The following TNPO1 variants were observed in gnomAD, a reference collection of about 807,000 sequenced individuals.
TNPO1 encodes transportin 1, also known as transportin-1.
Under a neutral mutation model 119.5 loss-of-function variants are expected in TNPO1, and 8 were observed. The ratio of observed to expected loss-of-function variants is 0.07; its 90% CI spans 0.04 to 0.12. The LOEUF is 0.12. Ranked by LOEUF, TNPO1 falls within the 10% of genes least tolerant of loss-of-function variation. The pLI, the probability that TNPO1 is intolerant of heterozygous loss-of-function variation, is 1.00. For missense variants in TNPO1, 576 were observed against 1,089.8 expected (o/e 0.53, Z 6.64); for synonymous variants, 362 against 363.0 (o/e 1.00, Z 0.03).
intron 1 of TNPO1, among the ~76,000 whole-genome samples, chr5:72,835,806 C>T (rs1252924666): frequency 1.3e-5 from 2 of 152,102 alleles, no homozygotes; most frequent in African/African-American, 2.4e-5. Flanking sequence ...AGTCTGAAGC[C>T]GAGAATCTCA....
At chr5:72,878,149 T>A (rs1174352253) in intron 9 of TNPO1, among the ~76,000 whole-genome samples, 1 of 150,362 alleles carries the variant, frequency 6.7e-6, no homozygotes, top group East Asian at 1.9e-4. Context: ...GTGTACGCTA[T>A]AGAGAGAGAG....
intron 1 of TNPO1, among the ~76,000 whole-genome samples, chr5:72,829,053 G>T (rs763235429): frequency 9.9e-5 from 15 of 152,170 alleles, no homozygotes; most frequent in Non-Finnish European, 1.8e-4. Context: ...TTGTGATAGG[G>T]TTGAGTTGGC....
chr5:72,894,403 G>A (rs900933517), intron 18 of TNPO1, among the ~76,000 whole-genome samples: 1 of 152,184 alleles, frequency 6.6e-6, no homozygotes, highest in Non-Finnish European at 1.5e-5. Context: ...CGGGCACGGC[G>A]GCTCAGACCT....
chr5:72,872,550 T>G (rs1284229386), intron 6 of TNPO1, 89 bp from the exon 7 acceptor site: 4 of 831,116 alleles, frequency 4.8e-6, no homozygotes, highest in Non-Finnish European at 7.5e-6. Context: ...CATATCATAA[T>G]ATTTTTATGG....
intron 13 of TNPO1, among the ~76,000 whole-genome samples, chr5:72,888,579 G>A (rs1748823483): frequency 6.6e-6 from 1 of 152,184 alleles, no homozygotes; most frequent in African/African-American, 2.4e-5. Context: ...AGATCTAAAT[G>A]TGACAACATC....
At chr5:72,883,704 CAT>C in intron 11 of TNPO1, among the ~76,000 whole-genome samples, 1 of 152,222 alleles carries the variant, frequency 6.6e-6, no homozygotes, top group East Asian at 1.9e-4. Context: ...TATAAATACT[CAT>C]GTATAATTTT....
intron 2 of TNPO1, among the ~76,000 whole-genome samples, chr5:72,850,420 T>C (rs1364483945): frequency 6.6e-6 from 1 of 152,218 alleles, no homozygotes; most frequent in Non-Finnish European, 1.5e-5. Flanking sequence ...TTGAGGGTAT[T>C]CAAATATGTA....
chr5:72,910,556 CA>C lies in TNPO1; in HGVS notation c.*1888del, dbSNP rs1750493828. On this transcript the variant is annotated 3_prime_UTR_variant, in exon 25 of 25. Coordinates refer to ENST00000337273, the MANE Select transcript of TNPO1 (RefSeq NM_002270.4). The stretch of plus-strand genomic sequence containing the variant: ...TCAATGCTGCATATTTAATCTGCAA[CA>C]AAAATGTTAAGCCATAACAGCCTTT... 1 of 152,570 alleles carries C rather than the reference CA, an allele frequency of 6.6e-6. No individual in the cohort carries two copies. Among genetic ancestry groups the C allele is most frequent in the Admixed American group, 6.6e-5 (1 of 15,262 alleles). The allele number at this position is 152,570 out of a possible 1,614,324, so 9.5% of individuals were successfully genotyped here.
At chr5:72,839,082 A>T (rs1744808296) in intron 1 of TNPO1, among the ~76,000 whole-genome samples, 1 of 152,162 alleles carries the variant, frequency 6.6e-6, no homozygotes, top group Admixed American at 6.5e-5. Context: ...ACAGAAATGA[A>T]AACTATTGGA....
intron 6 of TNPO1, among the ~76,000 whole-genome samples, chr5:72,872,306 C>T (rs1747461139): frequency 6.6e-6 from 1 of 152,054 alleles, no homozygotes; most frequent in Non-Finnish European, 1.5e-5. Context: ...GAATGTTTAC[C>T]TATCATTTTT....
intron 6 of TNPO1, among the ~76,000 whole-genome samples, chr5:72,866,192 C>T (rs1746883721): frequency 6.6e-6 from 1 of 152,040 alleles, no homozygotes; most frequent in African/African-American, 2.4e-5. Context: ...CTAGTTTGGC[C>T]CTCTCCCTCC....
chr5:72,882,411 T>C (rs367718827), intron 9 of TNPO1, 56 bp from the exon 10 acceptor site: 17 of 1,324,134 alleles, frequency 1.3e-5, no homozygotes, highest in Admixed American at 1.9e-5. Flanking sequence ...TTAAGACTTA[T>C]TAATTATTCT....
chr5:72,889,997 A>AGC lies in TNPO1; in HGVS notation c.1701+41_1701+42dup, dbSNP rs746531717. On this transcript the variant is annotated intron_variant, in intron 14 of 24. Coordinates refer to ENST00000337273, the MANE Select transcript of TNPO1 (RefSeq NM_002270.4). ...AGAACTATTAGGGAAAATAATGTGTAGCATAGTTACAATTAATAGATTAGC... is the reference window on the plus strand; with the variant it reads ...AGAACTATTAGGGAAAATAATGTGTAGCGCATAGTTACAATTAATAGATTAGC... 5 of 1,589,382 alleles carry AGC rather than the reference A, an allele frequency of 3.1e-6. No individual in the cohort carries two copies. In the African/African-American group the frequency reaches 5.4e-5, roughly 17 times the overall value.
At chr5:72,829,837 G>A (rs1309946649) in intron 1 of TNPO1, among the ~76,000 whole-genome samples, 1 of 152,120 alleles carries the variant, frequency 6.6e-6, no homozygotes, top group Non-Finnish European at 1.5e-5. Flanking sequence ...TCTTGGCACT[G>A]AAGACTTAAA....
chr5:72,897,218 A>AG, intron 20 of TNPO1, 67 bp downstream of exon 20: 1 of 1,105,208 alleles, frequency 9.0e-7, no homozygotes, highest in Non-Finnish European at 1.3e-6. Flanking sequence ...ATATGCGTAG[A>AG]GAAACCAAAG....
At chr5:72,816,996 C>A in intron 1 of TNPO1, 1 of 486,774 alleles carries the variant, frequency 2.1e-6, no homozygotes, top group Non-Finnish European at 3.6e-6. Flanking sequence ...GTCCGAGGAT[C>A]CCGTTAGGGG....
chr5:72,882,303 C>T (rs779193747), intron 9 of TNPO1, among the ~76,000 whole-genome samples, 164 bp from the exon 10 acceptor site: 3 of 152,162 alleles, frequency 2.0e-5, no homozygotes, highest in Non-Finnish European at 4.4e-5. Context: ...TCTCTATTAG[C>T]GTTTCTTCAG....
chr5:72,855,755 T>C lies in TNPO1; in HGVS notation c.206-19T>C, dbSNP rs192691001. 551 of 1,575,398 alleles carry C rather than the reference T, an allele frequency of 3.5e-4. 4 individuals are homozygous for C. In the African/African-American group the frequency reaches 6.8e-3, roughly 20 times the overall value. ...TTAAGACTACTTCAAAACTCATTAC[T>C]ATTACTATTTTATTACAGATGAACC... On this transcript the variant is annotated intron_variant, in intron 3 of 24. Transcript: ENST00000337273.
Position 72,890,009 on chromosome 5 carries a change from A to G in TNPO1, c.1701+52A>G, listed in dbSNP as rs771576860. The G allele has an allele frequency of 2.0e-5, 32 of 1,563,930 alleles. No homozygotes were observed. The Middle Eastern group carries it at 5.0e-4, about 25-fold the overall frequency. On this transcript the variant is annotated intron_variant, in intron 14 of 24. Coordinates refer to ENST00000337273, the MANE Select transcript of TNPO1 (RefSeq NM_002270.4). ...GAAAATAATGTGTAGCATAGTTACA[A>G]TTAATAGATTAGCATATATTTGGAA...
Sources: gnomAD v4.1 joint callset for allele counts (sites outside exome capture counted in the v4.1 genomes callset) on GRCh38, gnomAD v4.1.1 for gene constraint, MANE v1.5 for transcripts, NCBI Gene and HGNC (gene_info 2026-07-23, HGNC 2026-07-21) for gene names.